The following ADGRL2 variants were observed in gnomAD, a reference collection of about 807,000 sequenced individuals.
ADGRL2 encodes calcium-independent alpha-latrotoxin receptor 2.
A neutral mutation model predicts 157.4 loss-of-function variants in ADGRL2; 44 were observed. The observed-to-expected ratio is 0.28, with a 90% CI of 0.22 to 0.36. The LOEUF is 0.36. Ranked by LOEUF, ADGRL2 falls within the 10% of genes least tolerant of loss-of-function variation. ADGRL2 has a pLI of 1.00. For missense variants in ADGRL2, 1,510 were observed against 1,768.9 expected, an observed-to-expected ratio of 0.85 and a Z score of 2.63; for synonymous variants, 585 against 624.7, an observed-to-expected ratio of 0.94 and a Z score of 0.95.
intron 1 of ADGRL2, among the ~76,000 whole-genome samples, chr1:81,395,699 C>T (rs959436373): frequency 6.6e-6 from 1 of 152,070 alleles, no homozygotes; most frequent in Non-Finnish European, 1.5e-5. Flanking sequence ...ATATTTAACC[C>T]ATTTTGAGTC....
At chr1:81,930,921 C>G (rs1031092806) in intron 3 of ADGRL2, among the ~76,000 whole-genome samples, 1 of 152,026 alleles carries the variant, frequency 6.6e-6, no homozygotes, top group Admixed American at 6.6e-5. Flanking sequence ...CACCTGAGGT[C>G]AGGAGTTTGA....
At chr1:81,679,397 A>G (rs1472256992) in intron 3 of ADGRL2, among the ~76,000 whole-genome samples, 2 of 131,276 alleles carry the variant, frequency 1.5e-5, no homozygotes, top group Non-Finnish European at 3.3e-5. Context: ...GCTTCTCTGG[A>G]TGGTAGTAAG....
At chr1:81,799,886 AAT>A (rs1488877174), upstream of ADGRL2, among the ~76,000 whole-genome samples, 1 of 2,174 alleles carries the variant, frequency 4.6e-4, no homozygotes, top group Non-Finnish European at 8.2e-3. Flanking sequence ...GAAATTTTGC[AAT>A]AAAAAAAAAA....
intron 11 of ADGRL2, 140 bp downstream of exon 11, chr1:81,956,200 A>T (rs1653458629): frequency 8.3e-6 from 5 of 604,486 alleles, no homozygotes; most frequent in Admixed American, 4.2e-5. Flanking sequence ...ACCAAGAGAA[A>T]TTATTGACCA....
chr1:81,811,510 T>G (rs563689234), intron 1 of ADGRL2, among the ~76,000 whole-genome samples: 2 of 151,838 alleles, frequency 1.3e-5, no homozygotes, highest in South Asian at 4.2e-4. Context: ...TGTTCTTAAC[T>G]TTCTGTTTTT....
At chr1:81,456,203 T>C (rs929815989) in intron 2 of ADGRL2, among the ~76,000 whole-genome samples, 1 of 152,014 alleles carries the variant, frequency 6.6e-6, no homozygotes, top group Non-Finnish European at 1.5e-5. Context: ...ATGCTTGTAT[T>C]ATACACTTGT....
At chr1:81,829,390 G>T (rs1284052214) in intron 1 of ADGRL2, among the ~76,000 whole-genome samples, 1 of 152,040 alleles carries the variant, frequency 6.6e-6, no homozygotes, top group East Asian at 1.9e-4. Context: ...CTTTTGTTTT[G>T]AGTTTTACTT....
At chr1:81,707,764 C>T (rs1359548222) in intron 1 of ADGRL2, among the ~76,000 whole-genome samples, 1 of 152,056 alleles carries the variant, frequency 6.6e-6, no homozygotes, top group Non-Finnish European at 1.5e-5. Context: ...ATTATTTTTG[C>T]CCTATTCGAA....
At chr1:81,953,098 T>C in intron 10 of ADGRL2, 73 bp downstream of exon 10, 1 of 1,248,686 alleles carries the variant, frequency 8.0e-7, no homozygotes, top group Non-Finnish European at 1.2e-6. Flanking sequence ...TCTTGCTGCA[T>C]GATCCAATGT....
intron 2 of ADGRL2, among the ~76,000 whole-genome samples, chr1:81,478,795 G>C (rs1210416027): frequency 1.3e-5 from 2 of 151,930 alleles, no homozygotes; most frequent in African/African-American, 4.8e-5. Flanking sequence ...TTGTTGATCA[G>C]TGTAAGTTAT....
intron 1 of ADGRL2, among the ~76,000 whole-genome samples, chr1:81,322,109 T>TATATGC (rs71592379): frequency 5.4e-5 from 7 of 129,850 alleles, no homozygotes; most frequent in Admixed American, 4.9e-4. Flanking sequence ...TATATATATA[T>TATATGC]ACACATATAT....
intron 1 of ADGRL2, among the ~76,000 whole-genome samples, chr1:81,309,564 A>G (rs909106996): frequency 6.6e-6 from 1 of 152,064 alleles, no homozygotes; most frequent in African/African-American, 2.4e-5. Context: ...CGATTTACCC[A>G]TTTGTCATCT....
chr1:81,810,929 GAA>G, intron 1 of ADGRL2, among the ~76,000 whole-genome samples: 1 of 151,942 alleles, frequency 6.6e-6, no homozygotes, highest in African/African-American at 2.4e-5. Context: ...CTGTCACAAA[GAA>G]GACAATGTTT....
chr1:81,784,694 C>T (rs919427964), intron 2 of ADGRL2, among the ~76,000 whole-genome samples: 5 of 147,694 alleles, frequency 3.4e-5, no homozygotes, highest in African/African-American at 1.3e-4. Context: ...TGCCATTGCA[C>T]TCCAGCCTGG....
At chr1:81,753,246 C>CA (rs779242596) in intron 1 of ADGRL2, among the ~76,000 whole-genome samples, 7 of 152,124 alleles carry the variant, frequency 4.6e-5, no homozygotes, top group Non-Finnish European at 5.9e-5. Context: ...TGGCAGAAGG[C>CA]AAGAAGGAGC....
At chr1:81,774,433 C>T (rs1266262758) in intron 2 of ADGRL2, among the ~76,000 whole-genome samples, 1 of 152,168 alleles carries the variant, frequency 6.6e-6, no homozygotes, top group Non-Finnish European at 1.5e-5. Flanking sequence ...CAGATGGAGT[C>T]CATGGTTCCC....
At chr1:81,799,802 T>G (rs1277220312), upstream of ADGRL2, among the ~76,000 whole-genome samples, 3 of 152,196 alleles carry the variant, frequency 2.0e-5, no homozygotes, top group Non-Finnish European at 4.4e-5. Flanking sequence ...TATGCTTATT[T>G]AATTGATGGC....
Position 81,747,234 on chromosome 1 carries a change from CAT to C in ADGRL2, c.-142-14570_-142-14569del, listed in dbSNP as rs1337741015. Reference sequence around the variant, plus strand: ...GTATGTGTGTATATATGTATATATACATATATATGTATATGTGTGTATATATG... The same window carrying C: ...GTATGTGTGTATATATGTATATATACATATATGTATATGTGTGTATATATG... On this transcript the variant is annotated intron_variant, in intron 1 of 20. Coordinates refer to the ADGRL2 transcript ENST00000359929. Among the ~76,000 whole-genome samples the C allele has an allele frequency of 1.1e-4, 15 of 142,784 alleles. No homozygotes were observed. In the East Asian group the frequency reaches 1.8e-3, roughly 17 times the overall value. 93.7% of individuals were successfully genotyped at this position (142,784 alleles called of 152,430 possible).
intron 2 of ADGRL2, among the ~76,000 whole-genome samples, chr1:81,493,208 C>T (rs753355935): frequency 2.6e-5 from 4 of 152,130 alleles, no homozygotes; most frequent in Admixed American, 6.6e-5. Context: ...ACCCCACTCC[C>T]GCCCCACAGT....
Sources: allele counts gnomAD v4.1 joint callset (sites outside exome capture counted in the v4.1 genomes callset), GRCh38; gene constraint gnomAD v4.1.1; transcripts MANE v1.5; gene names NCBI Gene and HGNC (gene_info 2026-07-23, HGNC 2026-07-21).